FILIP1L: variants seen among roughly 807,000 people sequenced by gnomAD.
The protein encoded by FILIP1L is filamin A interacting protein 1 like, also known as filamin A-interacting protein 1-like.
Under a neutral mutation model 96.6 loss-of-function variants are expected in FILIP1L, and 55 were observed. The ratio of observed to expected loss-of-function variants is 0.57; its 90% CI spans 0.46 to 0.71. The LOEUF (loss-of-function observed/expected upper bound fraction) is 0.71, where lower values mean the gene tolerates loss of function less well. FILIP1L is among the 30% of genes least tolerant of loss of function. The probability of loss-of-function intolerance (pLI) is 0.00; values close to 1 mark genes in which losing one functional copy is unlikely to be tolerated. For missense variants in FILIP1L, 1,304 were observed against 1,321.2 expected (o/e 0.99, Z 0.20); for synonymous variants, 467 against 473.9 (o/e 0.99, Z 0.19).
At chr3:99,971,154 G>T (rs532763719) in intron 1 of FILIP1L, among the ~76,000 whole-genome samples, 6 of 152,086 alleles carry the variant, frequency 3.9e-5, no homozygotes, top group East Asian at 3.9e-4. Context: ...TGGCTAACAT[G>T]GTGAAACCCC....
chr3:99,847,019 C>T (rs1943395206), intron 5 of FILIP1L, among the ~76,000 whole-genome samples: 1 of 152,156 alleles, frequency 6.6e-6, no homozygotes, highest in Admixed American at 6.5e-5. Context: ...TCCCATGAGG[C>T]AGATATCAGA....
chr3:99,851,101 G>A (rs1252985168), intron 4 of FILIP1L, 31 bp from the exon 5 acceptor site: 1 of 1,518,322 alleles, frequency 6.6e-7, no homozygotes, highest in East Asian at 2.3e-5. Context: ...TTTATTTTGT[G>A]ATTGATGCTT....
At chr3:100,004,616 C>G (rs1709936394) in intron 1 of FILIP1L, among the ~76,000 whole-genome samples, 1 of 152,140 alleles carries the variant, frequency 6.6e-6, no homozygotes, top group African/African-American at 2.4e-5. Flanking sequence ...ATCATCAGGA[C>G]AGAGTAGCCA....
At chr3:100,109,687 G>C (rs2066455624) in intron 1 of FILIP1L, among the ~76,000 whole-genome samples, 1 of 152,094 alleles carries the variant, frequency 6.6e-6, no homozygotes. Flanking sequence ...TCATAGTATT[G>C]ATATACTATA....
chr3:99,848,868 T>C lies in FILIP1L; in HGVS notation c.2808A>G (p.Ile936Met). ...SPHSYTSTAV[I>M]PNCGTPKQRI... ...TTTGCTTTGGCGTGCCACAGTTCGG[T>C]ATCACTGCAGTACTCGTGTAAGAGT... Residue 936 changes from isoleucine (I) to methionine (M), a missense_variant, in exon 5 of 6, where the codon ATA becomes ATG. Transcript: ENST00000477258. 6.2e-7 allele frequency: 1 copy of C among 1,614,170 alleles called. No homozygotes were observed. The highest frequency in any genetic ancestry group is 8.5e-7 in the Non-Finnish European group (1 of 1,180,012).
intron 1 of FILIP1L, among the ~76,000 whole-genome samples, chr3:100,064,663 A>G (rs1474304963): frequency 6.6e-6 from 1 of 152,194 alleles, no homozygotes; most frequent in Non-Finnish European, 1.5e-5. Flanking sequence ...GACCTAATGG[A>G]ACTTTTTATT....
chr3:99,860,339 T>C (rs1483371139), intron 4 of FILIP1L, among the ~76,000 whole-genome samples: 1 of 152,120 alleles, frequency 6.6e-6, no homozygotes, highest in Non-Finnish European at 1.5e-5. Flanking sequence ...TGAAATAAGA[T>C]GGAAATAGTC....
chr3:99,983,470 A>ATATATGTATATGTG (rs1559713741), intron 1 of FILIP1L, among the ~76,000 whole-genome samples: 1 of 9,862 alleles, frequency 1.0e-4, no homozygotes, highest in African/African-American at 3.4e-4. Context: ...GTGTGTATAT[A>ATATATGTATATGTG]TATATATATA....
chr3:99,917,575 G>T (rs1319415057), intron 4 of FILIP1L, among the ~76,000 whole-genome samples: 3 of 152,110 alleles, frequency 2.0e-5, no homozygotes, highest in Non-Finnish European at 4.4e-5. Flanking sequence ...GGTCTAGATT[G>T]CTAGGTCTTT....
At chr3:99,895,072 C>T (rs1363885039) in intron 4 of FILIP1L, among the ~76,000 whole-genome samples, 2 of 151,714 alleles carry the variant, frequency 1.3e-5, no homozygotes, top group Non-Finnish European at 2.9e-5. Context: ...TACTCTTGCC[C>T]TCCAGGTGCC....
At chr3:100,056,858 G>A (rs1458988630) in intron 1 of FILIP1L, among the ~76,000 whole-genome samples, 1 of 152,100 alleles carries the variant, frequency 6.6e-6, no homozygotes, top group Non-Finnish European at 1.5e-5. Context: ...CAAAAAATTA[G>A]CCGGGTGTGA....
intron 4 of FILIP1L, among the ~76,000 whole-genome samples, chr3:99,916,568 A>G (rs1012991555): frequency 6.6e-6 from 1 of 152,008 alleles, no homozygotes; most frequent in African/African-American, 2.4e-5. Context: ...CTTACTTAGC[A>G]CTTGCTGTGC....
chr3:100,090,079 C>T (rs1431881015), intron 1 of FILIP1L, among the ~76,000 whole-genome samples: 1 of 152,242 alleles, frequency 6.6e-6, no homozygotes, highest in African/African-American at 2.4e-5. Flanking sequence ...TCTCAAAGCT[C>T]ATTGCTTCAC....
chr3:100,019,410 C>A (rs2064763922), intron 1 of FILIP1L, among the ~76,000 whole-genome samples: 1 of 151,928 alleles, frequency 6.6e-6, no homozygotes, highest in South Asian at 2.1e-4. Context: ...CTTACCCTTA[C>A]CGAAAGGAAT....
At chr3:100,060,054 C>T (rs769606127) in intron 1 of FILIP1L, among the ~76,000 whole-genome samples, 7 of 125,598 alleles carry the variant, frequency 5.6e-5, no homozygotes, top group Admixed American at 8.7e-5. Context: ...GAAATGGGGG[C>T]GGGGGGAAGA....
intron 1 of FILIP1L, among the ~76,000 whole-genome samples, chr3:99,974,392 A>C (rs1207362326): frequency 6.6e-6 from 1 of 152,192 alleles, no homozygotes; most frequent in Non-Finnish European, 1.5e-5. Flanking sequence ...ATCAGGTCAA[A>C]AAACTTAGAA....
chr3:99,876,220 TC>T, intron 4 of FILIP1L: 1 of 985,394 alleles, frequency 1.0e-6, no homozygotes. Context: ...ACGTCACTGT[TC>T]TGCCTTATAA....
At chr3:99,912,410 T>C (rs1295828483) in intron 4 of FILIP1L, among the ~76,000 whole-genome samples, 1 of 152,202 alleles carries the variant, frequency 6.6e-6, no homozygotes, top group Non-Finnish European at 1.5e-5. Context: ...AGGGTCTTGC[T>C]TTGTTTCCCA....
intron 1 of FILIP1L, among the ~76,000 whole-genome samples, chr3:100,041,971 T>C (rs1263452378): frequency 1.3e-5 from 2 of 152,188 alleles, no homozygotes; most frequent in African/African-American, 4.8e-5. Context: ...ACCATTGCCA[T>C]TCCTTCCTCT....
Sources: gnomAD v4.1 joint callset for allele counts (sites outside exome capture counted in the v4.1 genomes callset) on GRCh38, gnomAD v4.1.1 for gene constraint, MANE v1.5 for transcripts, NCBI Gene and HGNC (gene_info 2026-07-23, HGNC 2026-07-21) for gene names.